The following ABLIM2 variants were observed in gnomAD, a reference collection of about 807,000 sequenced individuals.
ABLIM2 encodes the protein actin-binding LIM protein 2.
In ABLIM2, 53 loss-of-function variants were observed where a neutral mutation model predicts 97.7. The ratio of observed to expected loss-of-function variants is 0.54; its 90% CI spans 0.44 to 0.68. ABLIM2 has a LOEUF of 0.68. Among genes scored for constraint, ABLIM2 ranks in the 30% least tolerant of loss-of-function variants. The pLI, the probability that ABLIM2 is intolerant of heterozygous loss-of-function variation, is 0.00. For missense variants in ABLIM2, 835 were observed against 867.2 expected (o/e 0.96, Z 0.47); for synonymous variants, 361 against 345.8 (o/e 1.04, Z -0.49).
rs1812361351 is a variant in ABLIM2, at chr4:8,071,778, T to C, written c.675+5850A>G. On this transcript the variant is annotated intron_variant, in intron 6 of 20. Transcript: ENST00000447017. The surrounding 1 kb of genome is among the most constrained non-coding windows in gnomAD (Gnocchi z 6.2). Reference sequence around the variant, plus strand: ...GGGCCAGGTTTCCTACCTGCACAGCTTCTGGGCACCAGAGCCCAGTCTGAC... The same window carrying C: ...GGGCCAGGTTTCCTACCTGCACAGCCTCTGGGCACCAGAGCCCAGTCTGAC... 1.0e-6 allele frequency: 1 copy of C among 983,806 alleles called. No homozygotes were observed. The allele number at this position is 983,806 out of a possible 1,614,324, so 60.9% of individuals were successfully genotyped here.
chr4:7,991,063 C>G (rs1748330624), intron 17 of ABLIM2, among the ~76,000 whole-genome samples: 1 of 152,174 alleles, frequency 6.6e-6, no homozygotes, highest in Admixed American at 6.6e-5. Context: ...GAAACATATT[C>G]ACAGAAAGTT....
Position 7,984,825 on chromosome 4 carries a change from C to A in ABLIM2, c.1735+14G>T. On this transcript the variant is annotated intron_variant, in intron 18 of 20. Transcript: ENST00000447017. ...GCCCCAGCCAGAGACCCACAGGGTC[C>A]CCGCTCTGTGTACCTCGCATGCCCC... 1 of 1,588,754 alleles carries A rather than the reference C, an allele frequency of 6.3e-7. No individual in the cohort carries two copies. The highest frequency in any genetic ancestry group is 8.6e-7 in the Non-Finnish European group (1 of 1,167,924).
chr4:8,063,659 G>C (rs1241677743), intron 6 of ABLIM2, among the ~76,000 whole-genome samples: 1 of 152,238 alleles, frequency 6.6e-6, no homozygotes, highest in African/African-American at 2.4e-5. Flanking sequence ...CCCCCAGCCT[G>C]GCTGTCCGCA....
chr4:8,080,603 T>TGCAGAGTGTGGGACCCCC (rs1373246106), intron 5 of ABLIM2, 73 bp downstream of exon 5: 11 of 1,447,828 alleles, frequency 7.6e-6, no homozygotes, highest in Admixed American at 7.3e-5. Flanking sequence ...TGGGGACACG[T>TGCAGAGTGTGGGACCCCC]GCAGAGTGTG....
At chr4:7,990,374 T>G (rs1344434927) in intron 17 of ABLIM2, among the ~76,000 whole-genome samples, 1 of 152,064 alleles carries the variant, frequency 6.6e-6, no homozygotes, top group East Asian at 1.9e-4. Flanking sequence ...ATTTTTGTAT[T>G]TTTAGTAGAG....
In ABLIM2 at chr4:8,140,111, G is replaced by T; in HGVS notation, c.10+18569C>A. On this transcript the variant is annotated intron_variant, in intron 1 of 20. Transcript: ENST00000447017. This position sits in a 1 kb window ranked among gnomAD's most constrained non-coding sequence, Gnocchi z 5.9. ...ACACTAGGGCCTGTCAGAGGGGTGG[G>T]GGGAGGGAGAGCATCAGGATAAATA... 9.0e-6 allele frequency among the ~76,000 whole-genome samples: 1 copy of T among 110,904 alleles called. No individual in the cohort carries two copies. The allele number at this position is 110,904 out of a possible 152,430, so 72.8% of individuals were successfully genotyped here.
At chr4:8,036,006 G>T (rs757258678) in intron 10 of ABLIM2, 143 bp downstream of exon 10, 4 of 1,021,930 alleles carry the variant, frequency 3.9e-6, no homozygotes, top group Non-Finnish European at 5.6e-6. Flanking sequence ...TATCTGATGG[G>T]CGTGAAGAGG....
chr4:7,998,350 G>A lies in ABLIM2; in HGVS notation c.1619-5423C>T, dbSNP rs908870421. ...GGCTGTCACCCTGTTTAGGTTTCGC[G>A]TGTACAGCCTGTTCTTTTGGAGGCT... On this transcript the variant is annotated intron_variant, in intron 16 of 20. Coordinates refer to ENST00000447017, the MANE Select transcript of ABLIM2 (RefSeq NM_001130083.2). The surrounding 1 kb of genome is among the most constrained non-coding windows in gnomAD (Gnocchi z 6.4). Among the ~76,000 whole-genome samples the A allele has an allele frequency of 9.9e-5, 15 of 152,176 alleles. No individual in the cohort carries two copies. Among genetic ancestry groups the A allele is most frequent in the East Asian group, 7.7e-4 (4 of 5,200 alleles).
chr4:8,066,456 G>C (rs1372109314), intron 6 of ABLIM2: 1 of 151,414 alleles, frequency 6.6e-6, no homozygotes, highest in Non-Finnish European at 1.5e-5. Flanking sequence ...ATAAAAACCT[G>C]TACATGATGT....
In ABLIM2 at chr4:7,966,667, A is replaced by C; in HGVS notation, c.*323T>G. 3 of 285,614 alleles carry C rather than the reference A, an allele frequency of 1.1e-5. No homozygotes were observed. Among genetic ancestry groups the C allele is most frequent in the East Asian group, 7.0e-5 (1 of 14,336 alleles). The allele number at this position is 285,614 out of a possible 1,614,324, so 17.7% of individuals were successfully genotyped here. ...ACGTGCCCAGCACCGGGGCCAGGGC[A>C]CCTCGAGAACGCTGGGAAGGTGGGC... On this transcript the variant is annotated 3_prime_UTR_variant, in exon 21 of 21. Transcript: ENST00000447017.
chr4:8,022,488 T>C lies in ABLIM2; in HGVS notation c.1268-2185A>G, dbSNP rs1315912236. 2.0e-5 allele frequency among the ~76,000 whole-genome samples: 3 copies of C among 152,226 alleles called. No homozygotes were observed. Among genetic ancestry groups the C allele is most frequent in the South Asian group, 4.1e-4 (2 of 4,836 alleles). Reference sequence around the variant, plus strand: ...CGCAGGGAAGCTGGGGACACAGCCATGTTGGCCCACCTCATTCTGGCCCCC... The same window carrying C: ...CGCAGGGAAGCTGGGGACACAGCCACGTTGGCCCACCTCATTCTGGCCCCC... On this transcript the variant is annotated intron_variant, in intron 12 of 20. Transcript: ENST00000447017. This position sits in a 1 kb window ranked among gnomAD's most constrained non-coding sequence, Gnocchi z 7.8.
intron 3 of ABLIM2, among the ~76,000 whole-genome samples, chr4:8,090,953 C>A (rs1198006937): frequency 6.6e-6 from 1 of 152,030 alleles, no homozygotes; most frequent in Non-Finnish European, 1.5e-5. Flanking sequence ...TGCCAACCAG[C>A]CTCTCCGCGG....
At chr4:8,099,170 G>A (rs181791429) in intron 2 of ABLIM2, among the ~76,000 whole-genome samples, 29 of 152,310 alleles carry the variant, frequency 1.9e-4, no homozygotes, top group Non-Finnish European at 4.1e-4. Flanking sequence ...TGCTTTGTCC[G>A]ATCTTGCACC....
intron 1 of ABLIM2, among the ~76,000 whole-genome samples, chr4:8,116,963 G>A (rs1439097811): frequency 6.6e-6 from 1 of 152,208 alleles, no homozygotes; most frequent in Non-Finnish European, 1.5e-5. Context: ...AAAACTCCCT[G>A]GTATAGACAG....
chr4:8,094,474 G>A (rs1467794266), intron 3 of ABLIM2, among the ~76,000 whole-genome samples: 1 of 152,314 alleles, frequency 6.6e-6, no homozygotes, highest in East Asian at 1.9e-4. Flanking sequence ...TGCATGAGAA[G>A]GTCGTGATCG....
rs1209988910 is a variant in ABLIM2, at chr4:8,130,673, C to T, written c.11-24036G>A. Among the ~76,000 whole-genome samples the T allele has an allele frequency of 1.3e-5, 2 of 152,000 alleles. No homozygotes were observed. The highest frequency in any genetic ancestry group is 4.8e-5 in the African/African-American group (2 of 41,376). ...TGGCCTGGAGGGAGCAGAGGGGCTT[C>T]CTGGAGGAGGGGGTATCAAAGTCCA... On this transcript the variant is annotated intron_variant, in intron 1 of 20. Coordinates refer to ENST00000447017, the MANE Select transcript of ABLIM2 (RefSeq NM_001130083.2). The surrounding 1 kb of genome is among the most constrained non-coding windows in gnomAD (Gnocchi z 4.2).
In ABLIM2 at chr4:8,132,209, C is replaced by G. The variant is rs917335650; in HGVS notation, c.11-25572G>C. On this transcript the variant is annotated intron_variant, in intron 1 of 20. Transcript: ENST00000447017. The surrounding 1 kb of genome is among the most constrained non-coding windows in gnomAD (Gnocchi z 8.0). ...CACCCCCCTGCTCACTCATGCTCAC[C>G]CCCTCCCCTGCACAGAACCCCTCAC... is the stretch of plus-strand genomic sequence containing the variant. 2.6e-5 allele frequency among the ~76,000 whole-genome samples: 4 copies of G among 152,028 alleles called. No homozygotes were observed. Among genetic ancestry groups the G allele is most frequent in the Non-Finnish European group, 5.9e-5 (4 of 67,996 alleles).
intron 20 of ABLIM2, among the ~76,000 whole-genome samples, chr4:7,979,533 G>A (rs1736328828): frequency 1.3e-5 from 2 of 152,220 alleles, no homozygotes; most frequent in Non-Finnish European, 2.9e-5. Context: ...CATGTGACAG[G>A]CAGCTGTAAC....
At chr4:8,084,178 G>T (rs987132241) in intron 4 of ABLIM2, among the ~76,000 whole-genome samples, 1 of 152,232 alleles carries the variant, frequency 6.6e-6, no homozygotes, top group Non-Finnish European at 1.5e-5. Flanking sequence ...CCTGTACTGA[G>T]GAAGAAAAGC....
Sources: gnomAD v4.1 joint callset for allele counts (sites outside exome capture counted in the v4.1 genomes callset) on GRCh38, gnomAD v4.1.1 for gene constraint, Gnocchi (gnomAD v3.1) non-coding constraint, MANE v1.5 for transcripts, NCBI Gene and HGNC (gene_info 2026-07-23, HGNC 2026-07-21) for gene names.